The following DERA variants were observed in gnomAD, a reference collection of about 807,000 sequenced individuals.
The protein encoded by DERA is deoxyribose-phosphate aldolase, also known as 2-deoxy-D-ribose 5-phosphate aldolase.
A neutral mutation model predicts 41.1 loss-of-function variants in DERA; 15 were observed. That is an observed-to-expected ratio of 0.37 (90% CI 0.24 to 0.56). The LOEUF (loss-of-function observed/expected upper bound fraction) is 0.56, where lower values mean the gene tolerates loss of function less well. Ranked by LOEUF, DERA falls within the 20% of genes least tolerant of loss-of-function variation. The pLI is 0.81. For missense variants in DERA, 396 were observed against 403.4 expected (o/e 0.98, Z 0.16); for synonymous variants, 139 against 137.4 (o/e 1.01, Z -0.08).
At chr12:16,022,292 T>G (rs997838824) in intron 6 of DERA, among the ~76,000 whole-genome samples, 1 of 152,164 alleles carries the variant, frequency 6.6e-6, no homozygotes, top group Non-Finnish European at 1.5e-5. Context: ...GTGCTCCCTC[T>G]TTGCCTTCTG....
chr12:15,989,217 C>A lies in DERA; in HGVS notation c.637+6781C>A, dbSNP rs894858571. 6.6e-6 allele frequency among the ~76,000 whole-genome samples: 1 copy of A among 152,218 alleles called. No individual in the cohort carries two copies. The highest frequency in any genetic ancestry group is 2.4e-5 in the African/African-American group (1 of 41,452). On this transcript the variant is annotated intron_variant, in intron 6 of 8. Transcript: ENST00000428559. This position sits in a 1 kb window ranked among gnomAD's most constrained non-coding sequence, Gnocchi z 5.2. ...ACCTGTTCCCAGACCTCACCAGCTC[C>A]ACGGAGTGTGCAGCCCTAGCCACGC...
chr12:15,970,645 A>C lies in DERA; in HGVS notation c.508+7698A>C, dbSNP rs1190678039. ...AAATAATGTTAAGAATGAGCTCATT[A>C]AAAAAGAAAACTGAAAAAAAACAGG... On this transcript the variant is annotated intron_variant, in intron 5 of 8. Coordinates refer to ENST00000428559, the MANE Select transcript of DERA (RefSeq NM_015954.4). The surrounding 1 kb of genome is among the most constrained non-coding windows in gnomAD (Gnocchi z 4.3). Among the ~76,000 whole-genome samples, 1 of 152,102 alleles carries C rather than the reference A, an allele frequency of 6.6e-6. No homozygotes were observed. Among genetic ancestry groups the C allele is most frequent in the African/African-American group, 2.4e-5 (1 of 41,410 alleles).
chr12:16,001,755 C>T lies in DERA; in HGVS notation c.637+19319C>T, dbSNP rs1329061909. The stretch of plus-strand genomic sequence containing the variant: ...AGGGCGAGGTCATGAGTTAGGAGAA[C>T]ACTAAGACCGAATGCTCTGTCTCCT... On this transcript the variant is annotated intron_variant, in intron 6 of 8. Transcript: ENST00000428559. This position sits in a 1 kb window ranked among gnomAD's most constrained non-coding sequence, Gnocchi z 4.1. Among the ~76,000 whole-genome samples, 4 of 152,168 alleles carry T rather than the reference C, an allele frequency of 2.6e-5. No individual in the cohort carries two copies. Among genetic ancestry groups the T allele is most frequent in the Admixed American group, 2.6e-4 (4 of 15,282 alleles).
At chr12:15,916,906 C>T (rs1407870261) in intron 1 of DERA, among the ~76,000 whole-genome samples, 1 of 152,138 alleles carries the variant, frequency 6.6e-6, no homozygotes, top group African/African-American at 2.4e-5. Context: ...GTCAATGTGC[C>T]AGGCTCTTGT....
At position 15,938,507 on chromosome 12, in the gene DERA, A is replaced by G. The variant is rs1396008572; in HGVS notation, c.32-18429A>G. ...TTTAATAAGCTTCTTAGCTGTATCA[A>G]TCTATGTGTCTAAGTTGCATTTTGT... is the stretch of plus-strand genomic sequence containing the variant. On this transcript the variant is annotated intron_variant, in intron 1 of 8. Transcript: ENST00000428559. This position sits in a 1 kb window ranked among gnomAD's most constrained non-coding sequence, Gnocchi z 4.1. 1.3e-5 allele frequency among the ~76,000 whole-genome samples: 2 copies of G among 152,308 alleles called. No homozygotes were observed. Among genetic ancestry groups the G allele is most frequent in the Admixed American group, 6.5e-5 (1 of 15,296 alleles).
rs1565585851 is a variant in DERA at position 15,928,291 on chromosome 12, T to C, written c.31+16877T>C. Among the ~76,000 whole-genome samples, 1 of 152,312 alleles carries C rather than the reference T, an allele frequency of 6.6e-6. No individual in the cohort carries two copies. Among genetic ancestry groups the C allele is most frequent in the East Asian group, 1.9e-4 (1 of 5,188 alleles). On this transcript the variant is annotated intron_variant, in intron 1 of 8. Coordinates refer to ENST00000428559, the MANE Select transcript of DERA (RefSeq NM_015954.4). The surrounding 1 kb of genome is among the most constrained non-coding windows in gnomAD (Gnocchi z 4.6). The stretch of plus-strand genomic sequence containing the variant: ...CATCATCTCTAATTACCTGCCTTAA[T>C]TGGAAGACCAAAATGAAGGTAGATA...
At chr12:16,015,316 G>C (rs1253077362) in intron 6 of DERA, among the ~76,000 whole-genome samples, 1 of 152,188 alleles carries the variant, frequency 6.6e-6, no homozygotes, top group Non-Finnish European at 1.5e-5. Flanking sequence ...ACATGTCAAG[G>C]AAGAGACCAG....
chr12:15,973,110 G>A (rs1179701018), intron 5 of DERA, among the ~76,000 whole-genome samples: 1 of 152,108 alleles, frequency 6.6e-6, no homozygotes, highest in Non-Finnish European at 1.5e-5. Flanking sequence ...CAGAGGTCAG[G>A]TTATGACCTC....
rs997172906 is a variant in DERA, at chr12:15,913,784, T to A, written c.31+2370T>A. The stretch of plus-strand genomic sequence containing the variant: ...TGTTTTCCAAATAGGGAATGTACCC[T>A]CTAGCTTTCATATTAGAGGATGGGG... On this transcript the variant is annotated intron_variant, in intron 1 of 8. Transcript: ENST00000428559. This position sits in a 1 kb window ranked among gnomAD's most constrained non-coding sequence, Gnocchi z 4.5. Among the ~76,000 whole-genome samples the A allele has an allele frequency of 3.9e-5, 6 of 152,206 alleles. No homozygotes were observed. Among genetic ancestry groups the A allele is most frequent in the African/African-American group, 1.4e-4 (6 of 41,454 alleles).
rs983661618 is a variant in DERA at position 15,957,388 on chromosome 12, T to G, written c.129+355T>G. On this transcript the variant is annotated intron_variant, in intron 2 of 8. Transcript: ENST00000428559. The surrounding 1 kb of genome is among the most constrained non-coding windows in gnomAD (Gnocchi z 4.8). ...ATTTTAAAGCCCTAACATCTAAACT[T>G]GATGTGTCCACTGTTGAGGCCCTTA... Among the ~76,000 whole-genome samples the G allele has an allele frequency of 2.0e-5, 3 of 152,224 alleles. No homozygotes were observed. Among genetic ancestry groups the G allele is most frequent in the Admixed American group, 2.0e-4 (3 of 15,282 alleles).
At chr12:16,016,008 G>A (rs1052878513) in intron 6 of DERA, among the ~76,000 whole-genome samples, 10 of 152,026 alleles carry the variant, frequency 6.6e-5, no homozygotes, top group South Asian at 2.1e-4. Context: ...CTCTTCAGGC[G>A]GTTTTAGTAT....
In DERA at chr12:15,922,458, A is replaced by C. The variant is rs1948251073; in HGVS notation, c.31+11044A>C. ...TGCAGATGAATGCTATATTTGACTG[A>C]GTGTTGCATTAAACTACTAATATAG... On this transcript the variant is annotated intron_variant, in intron 1 of 8. Transcript: ENST00000428559. This position sits in a 1 kb window ranked among gnomAD's most constrained non-coding sequence, Gnocchi z 4.9. Among the ~76,000 whole-genome samples, 1 of 152,208 alleles carries C rather than the reference A, an allele frequency of 6.6e-6. No homozygotes were observed. Among genetic ancestry groups the C allele is most frequent in the African/African-American group, 2.4e-5 (1 of 41,470 alleles).
At position 16,003,615 on chromosome 12, in the gene DERA, A is replaced by G. The variant is rs1948890507; in HGVS notation, c.637+21179A>G. Among the ~76,000 whole-genome samples, 2 of 152,188 alleles carry G rather than the reference A, an allele frequency of 1.3e-5. No individual in the cohort carries two copies. The highest frequency in any genetic ancestry group is 1.3e-4 in the Admixed American group (2 of 15,278). ...CCAACTAAAAACAACTGCTGGGGGCAGTGGAGAGGGAAGTAGACTGCAGGG... is the reference window on the plus strand; with the variant it reads ...CCAACTAAAAACAACTGCTGGGGGCGGTGGAGAGGGAAGTAGACTGCAGGG... On this transcript the variant is annotated intron_variant, in intron 6 of 8. Transcript: ENST00000428559. The surrounding 1 kb of genome is among the most constrained non-coding windows in gnomAD (Gnocchi z 4.8).
At chr12:16,007,339 A>G (rs1166119241) in intron 6 of DERA, among the ~76,000 whole-genome samples, 2 of 152,092 alleles carry the variant, frequency 1.3e-5, no homozygotes, top group African/African-American at 2.4e-5. Context: ...ATGCATCACC[A>G]TGCCCGGCTA....
In DERA at chr12:15,935,936, C is replaced by T. The variant is rs778664250; in HGVS notation, c.32-21000C>T. Among the ~76,000 whole-genome samples the T allele has an allele frequency of 6.6e-5, 10 of 152,302 alleles. No homozygotes were observed. Among genetic ancestry groups the T allele is most frequent in the Non-Finnish European group, 1.3e-4 (9 of 68,022 alleles). On this transcript the variant is annotated intron_variant, in intron 1 of 8. Coordinates refer to ENST00000428559, the MANE Select transcript of DERA (RefSeq NM_015954.4). This position sits in a 1 kb window ranked among gnomAD's most constrained non-coding sequence, Gnocchi z 4.8. The stretch of plus-strand genomic sequence containing the variant: ...TTGGCTGGAGCTAGAGGATCTGATT[C>T]CAAAGTGGCTCACCCATATGGTTGG...
chr12:15,920,367 A>T (rs1948233925), intron 1 of DERA, among the ~76,000 whole-genome samples: 1 of 152,272 alleles, frequency 6.6e-6, no homozygotes, highest in South Asian at 2.1e-4. Flanking sequence ...GGTTAGAGGT[A>T]GTCCTGGAAT....
At chr12:15,934,973 G>T (rs1026282853) in intron 1 of DERA, among the ~76,000 whole-genome samples, 2 of 152,152 alleles carry the variant, frequency 1.3e-5, no homozygotes, top group African/African-American at 4.8e-5. Context: ...TTATGATAAA[G>T]CTGCTGTTCC....
intron 5 of DERA, among the ~76,000 whole-genome samples, chr12:15,971,508 C>CTTT (rs56142412): frequency 4.3e-4 from 42 of 97,040 alleles, no homozygotes; most frequent in African/African-American, 5.5e-4. Flanking sequence ...TATCTCAACT[C>CTTT]TTTTTTTTTT....
chr12:15,977,307 A>ATG (rs965499815), intron 5 of DERA, among the ~76,000 whole-genome samples: 2 of 152,072 alleles, frequency 1.3e-5, no homozygotes, highest in Non-Finnish European at 2.9e-5. Flanking sequence ...ACGTGCATGC[A>ATG]TGTGTGTGTG....
Sources: gnomAD v4.1 joint callset for allele counts (sites outside exome capture counted in the v4.1 genomes callset) on GRCh38, gnomAD v4.1.1 for gene constraint, Gnocchi (gnomAD v3.1) non-coding constraint, MANE v1.5 for transcripts, NCBI Gene and HGNC (gene_info 2026-07-23, HGNC 2026-07-21) for gene names.